Variants in GPX8 observed in about 807,000 individuals in gnomAD.
The protein encoded by GPX8 is protein peroxidase GPX8.
In GPX8, 12 loss-of-function variants were observed where a neutral mutation model predicts 17.8. The observed-to-expected ratio is 0.67, with a 90% CI of 0.43 to 1.09. The LOEUF (loss-of-function observed/expected upper bound fraction) is 1.09. Among genes scored for constraint, GPX8 ranks in the 50% least tolerant of loss-of-function variants. The pLI, the probability that GPX8 is intolerant of heterozygous loss-of-function variation, is 0.00. For missense variants in GPX8, 209 were observed against 235.6 expected (o/e 0.89, Z 0.74); for synonymous variants, 86 against 88.1 (o/e 0.98, Z 0.14).
intron 2 of GPX8, among the ~76,000 whole-genome samples, chr5:55,163,631 C>G (rs569302450): frequency 6.6e-6 from 1 of 151,624 alleles, no homozygotes; most frequent in Non-Finnish European, 1.5e-5. Flanking sequence ...CTCAGCCTCC[C>G]GAGTAGCTGG....
intron 2 of GPX8, among the ~76,000 whole-genome samples, chr5:55,161,750 A>G (rs1000543736): frequency 6.6e-6 from 1 of 152,226 alleles, no homozygotes; most frequent in African/African-American, 2.4e-5. Context: ...CCAAAAACAT[A>G]TAACTTGGTT....
chr5:55,161,955 G>A (rs903904127), intron 2 of GPX8, among the ~76,000 whole-genome samples: 3 of 152,094 alleles, frequency 2.0e-5, no homozygotes, highest in African/African-American at 7.2e-5. Context: ...CTCTGTGCCT[G>A]TTTCTCATTT....
chr5:55,161,924 T>C (rs909141820), intron 2 of GPX8, among the ~76,000 whole-genome samples: 1 of 152,132 alleles, frequency 6.6e-6, no homozygotes, highest in African/African-American at 2.4e-5. Context: ...CTTTTGTTTT[T>C]GCTATGTGGC....
At chr5:55,161,374 T>A (rs1236452462) in intron 2 of GPX8, 119 bp downstream of exon 2, 31 of 971,896 alleles carry the variant, frequency 3.2e-5, no homozygotes, top group Non-Finnish European at 4.6e-5. Flanking sequence ...CATAAAACTA[T>A]CATCAAAGAG....
At position 55,165,900 on chromosome 5, in the gene GPX8, A is replaced by T. The variant is rs1217062991; in HGVS notation, c.*1682A>T. 1 of 152,268 alleles carries T rather than the reference A, an allele frequency of 6.6e-6. No individual in the cohort carries two copies. Among genetic ancestry groups the T allele is most frequent in the Non-Finnish European group, 1.5e-5 (1 of 68,050 alleles). The allele number at this position is 152,268 out of a possible 1,614,324, so 9.4% of individuals were successfully genotyped here. On this transcript the variant is annotated 3_prime_UTR_variant, in exon 3 of 3. Coordinates refer to ENST00000503787, the MANE Select transcript of GPX8 (RefSeq NM_001008397.4). ...TTAACACACTTACTAAGGTGTTTTA[A>T]GTGACCAGGAAGGAAATCAGAACTA...
chr5:55,165,783 A>C lies in GPX8; in HGVS notation c.*1565A>C, dbSNP rs1401793885. ...TCTCGCCAGCTGCGTGACTTTAGGC[A>C]AGTCACTTAAGTACCTTATTTCAGT... On this transcript the variant is annotated 3_prime_UTR_variant, in exon 3 of 3. Coordinates refer to ENST00000503787, the MANE Select transcript of GPX8 (RefSeq NM_001008397.4). The C allele has an allele frequency of 6.6e-6, 1 of 152,272 alleles. No homozygotes were observed. The allele number at this position is 152,272 out of a possible 1,614,324, so 9.4% of individuals were successfully genotyped here.
rs931937674 is a variant in GPX8, at chr5:55,161,108, C to G, written c.319C>G (p.Pro107Ala). Residue 107 changes from proline (P) to alanine (A), a missense_variant, in exon 2 of 3, where the codon CCC (proline) becomes GCC (alanine). By Grantham distance (27) the Pro-to-Ala change is conservative. Coordinates refer to ENST00000503787, the MANE Select transcript of GPX8 (RefSeq NM_001008397.4). The stretch of plus-strand genomic sequence containing the variant: ...ATCCCACTTCAGCGTGTTGGCTTTT[C>G]CCTGCAATCAGTTTGGAGAATCGGA... ...GPSHFSVLAFPCNQFGESEPR... is the reference protein window; with the variant it reads ...GPSHFSVLAFACNQFGESEPR... 2 of 1,614,044 alleles carry G rather than the reference C, an allele frequency of 1.2e-6. No individual in the cohort carries two copies. The highest frequency in any genetic ancestry group is 2.7e-5 in the African/African-American group (2 of 74,902).
intron 2 of GPX8, among the ~76,000 whole-genome samples, chr5:55,163,448 T>G (rs1744199561): frequency 6.6e-6 from 1 of 152,132 alleles, no homozygotes; most frequent in Non-Finnish European, 1.5e-5. Context: ...TTGCCTGGTG[T>G]GGTGGCACAC....
chr5:55,163,983 G>C (rs1384605380), intron 2 of GPX8, 72 bp from the exon 3 acceptor site: 3 of 1,133,482 alleles, frequency 2.6e-6, no homozygotes, highest in Non-Finnish European at 3.7e-6. Flanking sequence ...CATTTATGCA[G>C]ATACTAATAG....
In GPX8 at chr5:55,165,791, T is replaced by G. The variant is rs1407971170; in HGVS notation, c.*1573T>G. On this transcript the variant is annotated 3_prime_UTR_variant, in exon 3 of 3. Transcript: ENST00000503787. ...GCTGCGTGACTTTAGGCAAGTCACT[T>G]AAGTACCTTATTTCAGTTTCCTCAC... 1 of 152,244 alleles carries G rather than the reference T, an allele frequency of 6.6e-6. No individual in the cohort carries two copies. The highest frequency in any genetic ancestry group is 1.5e-5 in the Non-Finnish European group (1 of 68,048). The allele number at this position is 152,244 out of a possible 1,614,324, so 9.4% of individuals were successfully genotyped here.
chr5:55,160,502 T>C, intron 1 of GPX8, 106 bp downstream of exon 1: 1 of 789,956 alleles, frequency 1.3e-6, no homozygotes, highest in South Asian at 1.8e-5. Flanking sequence ...AGTTGGAATT[T>C]AGTCTTCAGA....
chr5:55,163,142 T>C (rs1014612813), intron 2 of GPX8, among the ~76,000 whole-genome samples: 1 of 152,184 alleles, frequency 6.6e-6, no homozygotes, highest in African/African-American at 2.4e-5. Flanking sequence ...TTTTTCCTCA[T>C]GTTAGTCAAT....
chr5:55,161,140 C>T lies in GPX8; in HGVS notation c.351C>T (p.Arg117=), dbSNP rs114062874. The change falls in exon 2 of 3, where the codon CGC becomes CGT. Residue 117 remains arginine (R), a synonymous_variant. Coordinates refer to ENST00000503787, the MANE Select transcript of GPX8 (RefSeq NM_001008397.4). The part of the protein sequence containing the change: ...PCNQFGESEP[R]PSKEVESFAR... Reference sequence around the variant, plus strand: ...ATCAGTTTGGAGAATCGGAGCCCCGCCCAAGCAAGGAAGTAGAATCTTTTG... The same window carrying T: ...ATCAGTTTGGAGAATCGGAGCCCCGTCCAAGCAAGGAAGTAGAATCTTTTG... 9.5e-4 allele frequency: 1,539 copies of T among 1,614,186 alleles called. 14 individuals are homozygous for T. The African/African-American group carries it at 0.019, about 20-fold the overall frequency.
chr5:55,160,970 T>C, intron 1 of GPX8, 24 bp from the exon 2 acceptor site: 1 of 1,583,532 alleles, frequency 6.3e-7, no homozygotes, highest in Non-Finnish European at 8.6e-7. Context: ...ACTTTCCGGT[T>C]GGATTTTTTT....
intron 2 of GPX8, among the ~76,000 whole-genome samples, chr5:55,163,384 G>A (rs1323325967): frequency 6.6e-6 from 1 of 151,920 alleles, no homozygotes; most frequent in Admixed American, 6.6e-5. Flanking sequence ...TCAAAATAAG[G>A]TGATTATTCA....
chr5:55,160,176 C>T lies in GPX8; in HGVS notation c.-17C>T, dbSNP rs529944433. 6.2e-7 allele frequency: 1 copy of T among 1,603,984 alleles called. No individual in the cohort carries two copies. Among genetic ancestry groups the T allele is most frequent in the Non-Finnish European group, 8.5e-7 (1 of 1,170,914 alleles). ...TGAATTCCAGGCTGCTGAGACTTCC[C>T]TCTAGAATCCTCCAACATGGAGCCT... On this transcript the variant is annotated 5_prime_UTR_variant, in exon 1 of 3. Coordinates refer to ENST00000503787, the MANE Select transcript of GPX8 (RefSeq NM_001008397.4).
chr5:55,161,865 C>G (rs559117015), intron 2 of GPX8, among the ~76,000 whole-genome samples: 286 of 152,270 alleles, frequency 1.9e-3, no homozygotes, highest in Non-Finnish European at 3.8e-3. Flanking sequence ...ATGAGGCATA[C>G]AGACAGCATA....
chr5:55,164,238 AT>A lies in GPX8; in HGVS notation c.*21del, dbSNP rs1335945225. 1 of 1,503,492 alleles carries A rather than the reference AT, an allele frequency of 6.7e-7. No individual in the cohort carries two copies. Among genetic ancestry groups the A allele is most frequent in the East Asian group, 2.3e-5 (1 of 43,304 alleles). 93.1% of individuals were successfully genotyped at this position (1,503,492 alleles called of 1,614,324 possible). A position where few individuals can be genotyped will look rare whatever the true frequency, so the allele number is the denominator to read the frequency against. On this transcript the variant is annotated 3_prime_UTR_variant, in exon 3 of 3. Transcript: ENST00000503787. ...CTATGAGAATGCCATTGCGTTTCTA[AT>A]AGAACAGAGAAATGTCTCCATGAGG... is the stretch of plus-strand genomic sequence containing the variant.
chr5:55,162,070 C>G (rs1744095455), intron 2 of GPX8, among the ~76,000 whole-genome samples: 1 of 133,246 alleles, frequency 7.5e-6, no homozygotes, highest in African/African-American at 2.9e-5. Context: ...GTGCCAGACA[C>G]TGTTCTAAAC....
Sources: allele counts gnomAD v4.1 joint callset (sites outside exome capture counted in the v4.1 genomes callset), GRCh38; gene constraint gnomAD v4.1.1; transcripts MANE v1.5; gene names NCBI Gene and HGNC (gene_info 2026-07-23, HGNC 2026-07-21).